Variants in PLCL1 observed in about 807,000 individuals in gnomAD.
PLCL1 encodes the protein phospholipase C like 1 (inactive), also known as inactive phospholipase C-like protein 1.
In PLCL1, 41 loss-of-function variants were observed where a neutral mutation model predicts 84.4. The ratio of observed to expected loss-of-function variants is 0.49; its 90% confidence interval spans 0.38 to 0.63. PLCL1 has a LOEUF of 0.63. Among genes scored for constraint, PLCL1 ranks in the 30% least tolerant of loss-of-function variants. The pLI is 0.00. For synonymous variants in PLCL1, 490 were observed against 488.3 expected, an observed-to-expected ratio of 1.00 and a Z score of -0.05; for missense variants, 1,206 against 1,367.8, an observed-to-expected ratio of 0.88 and a Z score of 1.87.
At chr2:198,094,451 G>A (rs1294565516) in intron 3 of PLCL1, among the ~76,000 whole-genome samples, 1 of 152,110 alleles carries the variant, frequency 6.6e-6, no homozygotes, top group East Asian at 1.9e-4. Context: ...TGTATTTGTA[G>A]CAAAATGGGC....
At chr2:198,105,428 A>G (rs1693450522) in intron 5 of PLCL1, among the ~76,000 whole-genome samples, 1 of 151,898 alleles carries the variant, frequency 6.6e-6, no homozygotes, top group Non-Finnish European at 1.5e-5. Context: ...GCCTTGTAGT[A>G]TCGTTTGAAG....
Position 198,128,532 on chromosome 2 carries a change from C to G in PLCL1, c.3106-18248C>G, listed in dbSNP as rs567431536. ...CGTTACTGTCTTCTTGCGCTTAGTCCGTTCCTGGGTGGGCATCACAGGATC... is the reference window on the plus strand; with the variant it reads ...CGTTACTGTCTTCTTGCGCTTAGTCGGTTCCTGGGTGGGCATCACAGGATC... On this transcript the variant is annotated intron_variant, in intron 5 of 5. Transcript: ENST00000428675. 6.6e-5 allele frequency among the ~76,000 whole-genome samples: 10 copies of G among 152,120 alleles called. No homozygotes were observed. In the South Asian group the frequency reaches 1.0e-3, roughly 16 times the overall value.
At chr2:198,000,207 A>C (rs140799750) in intron 1 of PLCL1, among the ~76,000 whole-genome samples, 224 of 152,290 alleles carry the variant, frequency 1.5e-3, no homozygotes, top group African/African-American at 5.0e-3. Context: ...GTACATCTTA[A>C]TTGCGATACT....
chr2:198,027,658 A>T (rs1046857523), intron 1 of PLCL1, among the ~76,000 whole-genome samples: 2 of 152,186 alleles, frequency 1.3e-5, no homozygotes, highest in Non-Finnish European at 2.9e-5. Context: ...AGGGGAAAAA[A>T]GAATATTAGT....
chr2:198,075,388 G>A lies in PLCL1; in HGVS notation c.241-8370G>A, dbSNP rs562426598. Among the ~76,000 whole-genome samples the A allele has an allele frequency of 6.6e-5, 10 of 152,308 alleles. No homozygotes were observed. The South Asian group carries it at 2.1e-3, about 32-fold the overall frequency. On this transcript the variant is annotated intron_variant, in intron 1 of 5. Coordinates refer to ENST00000428675, the MANE Select transcript of PLCL1 (RefSeq NM_006226.4). ...AATAAATCGTCAGATGACCTTTATTGTTGTCACCCTCATTTTGTTCAAATT... is the reference window on the plus strand; with the variant it reads ...AATAAATCGTCAGATGACCTTTATTATTGTCACCCTCATTTTGTTCAAATT...
chr2:198,119,798 C>T (rs1192391203), intron 5 of PLCL1, among the ~76,000 whole-genome samples: 2 of 151,962 alleles, frequency 1.3e-5, no homozygotes, highest in African/African-American at 4.8e-5. Flanking sequence ...CCTGCTCCTT[C>T]AGGGTGGGGA....
intron 3 of PLCL1, among the ~76,000 whole-genome samples, chr2:198,094,586 T>C (rs1693144304): frequency 1.3e-5 from 2 of 152,178 alleles, no homozygotes; most frequent in African/African-American, 2.4e-5. Context: ...TTACAACCAG[T>C]TCCCTAGGGT....
intron 1 of PLCL1, among the ~76,000 whole-genome samples, chr2:197,922,771 AG>A (rs1688733638): frequency 1.4e-5 from 1 of 69,814 alleles, no homozygotes; most frequent in Admixed American, 1.5e-4. Context: ...CTGGCCGGGC[AG>A]GGGGCTGACC....
intron 1 of PLCL1, among the ~76,000 whole-genome samples, chr2:197,860,410 G>T (rs1687407831): frequency 6.6e-6 from 1 of 152,088 alleles, no homozygotes; most frequent in Non-Finnish European, 1.5e-5. Flanking sequence ...GGATTGGTGG[G>T]TCAAATGGTA....
chr2:197,996,528 T>C (rs999016848), intron 1 of PLCL1, among the ~76,000 whole-genome samples: 1 of 152,074 alleles, frequency 6.6e-6, no homozygotes, highest in Non-Finnish European at 1.5e-5. Flanking sequence ...TAGGAGAAAT[T>C]GTGCAGTGTG....
chr2:198,038,824 T>G (rs1272629908), intron 1 of PLCL1, among the ~76,000 whole-genome samples: 1 of 147,852 alleles, frequency 6.8e-6, no homozygotes, highest in African/African-American at 2.5e-5. Flanking sequence ...AAATACTGTC[T>G]TGATCCTTTC....
In PLCL1 at chr2:198,084,900, C is replaced by T. The variant is rs1692822730; in HGVS notation, c.1383C>T (p.Asn461=). The change falls in exon 2 of 6, where the codon AAC becomes AAT. Residue 461 remains asparagine, a synonymous_variant. Transcript: ENST00000428675. ...AACCAATCCTTTGTAATCGAAATAA[C>T]ATGACAACCCATGTTTCCTTTCGAA... ...DNEPILCNRN[N]MTTHVSFRSV... is the part of the protein sequence containing the mutation. 6.2e-7 allele frequency: 1 copy of T among 1,613,854 alleles called. No individual in the cohort carries two copies. The highest frequency in any genetic ancestry group is 1.3e-5 in the African/African-American group (1 of 74,902).
intron 1 of PLCL1, among the ~76,000 whole-genome samples, chr2:197,821,039 C>T (rs1574896374): frequency 6.6e-6 from 1 of 152,122 alleles, no homozygotes; most frequent in East Asian, 1.9e-4. Flanking sequence ...GATTATTTGT[C>T]TTGTCCCTGT....
chr2:198,027,785 A>T (rs1479324535), intron 1 of PLCL1, among the ~76,000 whole-genome samples: 1 of 152,094 alleles, frequency 6.6e-6, no homozygotes, highest in African/African-American at 2.4e-5. Context: ...ACATTAGGGA[A>T]AGCTGGGGAA....
chr2:198,084,761 C>T lies in PLCL1; in HGVS notation c.1244C>T (p.Thr415Ile). 1 of 1,614,076 alleles carries T rather than the reference C, an allele frequency of 6.2e-7. No individual in the cohort carries two copies. Among genetic ancestry groups the T allele is most frequent in the Non-Finnish European group, 8.5e-7 (1 of 1,179,990 alleles). ...TACTATATCAATGCCTCTCATAACA[C>T]CTATCTAATAGAAGACCAGTTCAGG... is the stretch of plus-strand genomic sequence containing the variant. Reference protein sequence around the residue: ...SHYYINASHNTYLIEDQFRGP... With the variant: ...SHYYINASHNIYLIEDQFRGP... The change falls in exon 2 of 6, where the codon ACC becomes ATC. Residue 415 changes from threonine (T) to isoleucine (I), a missense_variant. Physicochemically the swap from Thr to Ile is moderately conservative, Grantham distance 89 (BLOSUM62 -1). Transcript: ENST00000428675.
chr2:197,904,436 A>G (rs2105740017), intron 1 of PLCL1, among the ~76,000 whole-genome samples: 1 of 152,290 alleles, frequency 6.6e-6, no homozygotes, highest in African/African-American at 2.4e-5. Context: ...TTTGTATTAG[A>G]AAGTTTAGAA....
chr2:197,877,407 T>A (rs986969811), intron 1 of PLCL1, among the ~76,000 whole-genome samples: 45 of 152,028 alleles, frequency 3.0e-4, no homozygotes, highest in African/African-American at 1.1e-3. Flanking sequence ...ATTAAAAAAA[T>A]TTGTGAAATG....
At chr2:197,885,853 A>G (rs1302819691) in intron 1 of PLCL1, among the ~76,000 whole-genome samples, 1 of 152,174 alleles carries the variant, frequency 6.6e-6, no homozygotes, top group African/African-American at 2.4e-5. Context: ...ATTCTCCTGC[A>G]TCATCAGTGG....
chr2:197,858,187 A>G (rs1365859607), intron 1 of PLCL1, among the ~76,000 whole-genome samples: 1 of 152,186 alleles, frequency 6.6e-6, no homozygotes, highest in Non-Finnish European at 1.5e-5. Flanking sequence ...TGGGTATTGC[A>G]AAGAGCACAT....
Sources: allele counts gnomAD v4.1 joint callset (sites outside exome capture counted in the v4.1 genomes callset), GRCh38; gene constraint gnomAD v4.1.1; transcripts MANE v1.5; gene names NCBI Gene and HGNC (gene_info 2026-07-23, HGNC 2026-07-21).